Variants in CCDC85A observed in about 807,000 individuals in gnomAD.
CCDC85A encodes the protein coiled-coil domain containing 85A.
Under a neutral mutation model 50.2 loss-of-function variants are expected in CCDC85A, and 38 were observed. The observed-to-expected ratio is 0.76, with a 90% confidence interval of 0.58 to 0.99. The LOEUF is 0.99. Ranked by LOEUF, CCDC85A falls within the 50% of genes least tolerant of loss-of-function variation. The pLI, the probability that CCDC85A is intolerant of heterozygous loss-of-function variation, is 0.00. For missense variants in CCDC85A, 820 were observed against 742.0 expected (o/e 1.11, Z -1.22); for synonymous variants, 366 against 301.4 (o/e 1.21, Z -2.22).
intron 2 of CCDC85A, among the ~76,000 whole-genome samples, chr2:56,310,363 A>C (rs1229021702): frequency 6.6e-6 from 1 of 152,142 alleles, no homozygotes. Flanking sequence ...TTCTTGCAGG[A>C]ATTTAGTTTT....
intron 2 of CCDC85A, among the ~76,000 whole-genome samples, chr2:56,259,695 A>T (rs1014506083): frequency 2.0e-5 from 3 of 152,126 alleles, no homozygotes; most frequent in Non-Finnish European, 4.4e-5. Flanking sequence ...ACCTTCCTAG[A>T]TCTTCCCAGA....
chr2:56,217,952 A>G (rs1365830292), intron 2 of CCDC85A, among the ~76,000 whole-genome samples: 4 of 151,874 alleles, frequency 2.6e-5, no homozygotes, highest in Non-Finnish European at 4.4e-5. Flanking sequence ...ATCATAGGGA[A>G]GTCAGTTTAT....
intron 3 of CCDC85A, among the ~76,000 whole-genome samples, chr2:56,345,208 TTCTC>T (rs1372697748): frequency 2.0e-5 from 3 of 152,188 alleles, no homozygotes; most frequent in East Asian, 1.9e-4. Context: ...TTTCATTTTT[TTCTC>T]TCTAAGAAAT....
intron 2 of CCDC85A, among the ~76,000 whole-genome samples, chr2:56,219,581 G>GAA (rs1668231858): frequency 6.6e-6 from 1 of 151,486 alleles, no homozygotes; most frequent in Non-Finnish European, 1.5e-5. Context: ...TATTTCCTCT[G>GAA]TCTAGAATGC....
intron 3 of CCDC85A, among the ~76,000 whole-genome samples, chr2:56,369,060 C>T (rs1054772481): frequency 4.0e-5 from 6 of 151,772 alleles, no homozygotes; most frequent in African/African-American, 1.5e-4. Context: ...GAGTGATCAT[C>T]GTTTTGTGAT....
At chr2:56,299,514 C>T (rs568728362) in intron 2 of CCDC85A, among the ~76,000 whole-genome samples, 1 of 152,144 alleles carries the variant, frequency 6.6e-6, no homozygotes, top group Non-Finnish European at 1.5e-5. Flanking sequence ...TGTTTCCTAG[C>T]TTTGCCACTG....
intron 2 of CCDC85A, among the ~76,000 whole-genome samples, chr2:56,337,916 C>G (rs112547583): frequency 6.6e-6 from 1 of 151,992 alleles, no homozygotes; most frequent in African/African-American, 2.4e-5. Flanking sequence ...TCCCGAGTAG[C>G]TGGGATTACA....
At chr2:56,352,368 C>T (rs6545571) in intron 3 of CCDC85A, among the ~76,000 whole-genome samples, 64,634 of 151,718 alleles carry the variant, frequency 0.43, 15,781 homozygotes, top group African/African-American at 0.68. Flanking sequence ...TTTCTTTTTT[C>T]GAGACAGGCA....
At chr2:56,271,165 A>G (rs1670678344) in intron 2 of CCDC85A, among the ~76,000 whole-genome samples, 1 of 152,174 alleles carries the variant, frequency 6.6e-6, no homozygotes, top group African/African-American at 2.4e-5. Context: ...AGGATTTACT[A>G]AACAGAAGTT....
chr2:56,234,853 G>A (rs1668936554), intron 2 of CCDC85A, among the ~76,000 whole-genome samples: 1 of 152,014 alleles, frequency 6.6e-6, no homozygotes, highest in African/African-American at 2.4e-5. Context: ...ATTATTTGTT[G>A]AATAATAATT....
intron 2 of CCDC85A, among the ~76,000 whole-genome samples, chr2:56,285,659 T>G (rs2104121147): frequency 6.6e-6 from 1 of 150,668 alleles, no homozygotes; most frequent in South Asian, 2.1e-4. Context: ...CTCCCCTGGC[T>G]TTTGTGTTAT....
intron 2 of CCDC85A, among the ~76,000 whole-genome samples, chr2:56,237,762 G>C (rs952394163): frequency 1.3e-5 from 2 of 150,292 alleles, no homozygotes; most frequent in South Asian, 4.2e-4. Context: ...TTTTTTAAGA[G>C]AGAGAGAACA....
At chr2:56,238,618 C>G (rs1669125389) in intron 2 of CCDC85A, among the ~76,000 whole-genome samples, 1 of 151,992 alleles carries the variant, frequency 6.6e-6, no homozygotes. Context: ...TATTTGGAAG[C>G]TTTGTCTTTA....
chr2:56,201,204 G>GT (rs554086576), intron 2 of CCDC85A, among the ~76,000 whole-genome samples: 50 of 150,576 alleles, frequency 3.3e-4, no homozygotes, highest in Admixed American at 5.3e-4. Context: ...ATATTGAATG[G>GT]TTTTTTTTAT....
At chr2:56,270,499 T>C (rs1016458458) in intron 2 of CCDC85A, among the ~76,000 whole-genome samples, 3 of 152,212 alleles carry the variant, frequency 2.0e-5, no homozygotes, top group Non-Finnish European at 2.9e-5. Context: ...AAGTAATAGA[T>C]ACTTTGTAGG....
intron 3 of CCDC85A, 37 bp downstream of exon 3, chr2:56,342,992 C>A: frequency 7.4e-7 from 1 of 1,352,686 alleles, no homozygotes; most frequent in South Asian, 1.3e-5. Context: ...TAGTCAGTGC[C>A]ATTTAAGTTG....
intron 2 of CCDC85A, among the ~76,000 whole-genome samples, chr2:56,228,588 A>G (rs1413568361): frequency 1.3e-5 from 2 of 151,686 alleles, no homozygotes; most frequent in East Asian, 1.9e-4. Context: ...GCTGGAGTGC[A>G]GTGGCACGAT....
At chr2:56,191,677 G>T (rs898293245) in intron 1 of CCDC85A, among the ~76,000 whole-genome samples, 1 of 152,222 alleles carries the variant, frequency 6.6e-6, no homozygotes, top group Admixed American at 6.5e-5. Context: ...TTTGCTGAGA[G>T]GTGCAGTTTG....
chr2:56,271,247 A>T (rs151290315), intron 2 of CCDC85A, among the ~76,000 whole-genome samples: 1 of 152,186 alleles, frequency 6.6e-6, no homozygotes. Context: ...GATCAGAATA[A>T]TTTGAGTAAT....
Sources: allele counts gnomAD v4.1 joint callset (sites outside exome capture counted in the v4.1 genomes callset), GRCh38; gene constraint gnomAD v4.1.1; transcripts MANE v1.5; gene names NCBI Gene and HGNC (gene_info 2026-07-23, HGNC 2026-07-21).